LCA5L: variants seen among roughly 807,000 people sequenced by gnomAD.
LCA5L encodes the protein lebercilin-like protein.
Under a neutral mutation model 45.4 loss-of-function variants are expected in LCA5L, and 35 were observed. The observed-to-expected ratio is 0.77, with a 90% CI of 0.59 to 1.02. The LOEUF (loss-of-function observed/expected upper bound fraction) is 1.02, where lower values mean the gene tolerates loss of function less well. Among genes scored for constraint, LCA5L ranks in the 50% least tolerant of loss-of-function variants. The pLI is 0.00. For synonymous variants in LCA5L, 233 were observed against 264.7 expected (o/e 0.88, Z 1.16); for missense variants, 668 against 761.6 (o/e 0.88, Z 1.45).
At chr21:39,411,219 G>T in intron 8 of LCA5L, 1 of 250,150 alleles carries the variant, frequency 4.0e-6, no homozygotes, top group Non-Finnish European at 7.9e-6. Context: ...GTGAGGTAGG[G>T]GACTACTGAC....
chr21:39,419,546 A>AAAAG (rs1342366550), intron 7 of LCA5L, among the ~76,000 whole-genome samples: 1 of 150,490 alleles, frequency 6.6e-6, no homozygotes, highest in Non-Finnish European at 1.5e-5. Context: ...GAAAAAAGAA[A>AAAAG]AAAGAAAGAA....
intron 5 of LCA5L, among the ~76,000 whole-genome samples, chr21:39,426,902 T>C (rs2074808214): frequency 6.6e-6 from 1 of 152,230 alleles, no homozygotes; most frequent in South Asian, 2.1e-4. Context: ...TTTGAGACTC[T>C]GATGAAAGGT....
At chr21:39,422,843 A>C (rs2073995644) in intron 6 of LCA5L, 133 bp downstream of exon 6, 7 of 831,638 alleles carry the variant, frequency 8.4e-6, no homozygotes, top group African/African-American at 1.7e-5. Flanking sequence ...AGACAACATA[A>C]TTATTTAGTG....
At chr21:39,429,687 A>C (rs2075443812) in intron 3 of LCA5L, among the ~76,000 whole-genome samples, 1 of 152,174 alleles carries the variant, frequency 6.6e-6, no homozygotes, top group African/African-American at 2.4e-5. Flanking sequence ...CGGTGGGCAG[A>C]AGCAGATCCT....
At chr21:39,433,458 T>C (rs1439340802) in intron 3 of LCA5L, among the ~76,000 whole-genome samples, 1 of 150,432 alleles carries the variant, frequency 6.6e-6, no homozygotes, top group Admixed American at 6.6e-5. Context: ...GTGCTGTATC[T>C]AAGAAATTTT....
At chr21:39,436,071 T>G (rs1220055979) in intron 2 of LCA5L, 2 of 152,232 alleles carry the variant, frequency 1.3e-5, no homozygotes, top group Non-Finnish European at 2.9e-5. Flanking sequence ...TTTCAAGTTT[T>G]TGGCAGAAAA....
At chr21:39,418,001 C>T (rs745785965) in intron 7 of LCA5L, among the ~76,000 whole-genome samples, 9 of 152,104 alleles carry the variant, frequency 5.9e-5, no homozygotes, top group Non-Finnish European at 1.2e-4. Context: ...CTCCTGACCT[C>T]GTGATCCACC....
Position 39,434,846 on chromosome 21 carries a change from C to T in LCA5L, c.-92+574G>A, listed in dbSNP as rs182900016. On this transcript the variant is annotated intron_variant, in intron 3 of 10. Transcript: ENST00000288350. Reference sequence around the variant, plus strand: ...GATGTTCTTAATTAATTAATATGTTCAGTCAAAGAACATTTATTTAGTGTC... The same window carrying T: ...GATGTTCTTAATTAATTAATATGTTTAGTCAAAGAACATTTATTTAGTGTC... Among the ~76,000 whole-genome samples the T allele has an allele frequency of 4.4e-4, 67 of 152,260 alleles. No individual in the cohort carries two copies. In the East Asian group the frequency reaches 7.9e-3, roughly 18 times the overall value.
At chr21:39,406,930 A>G (rs1043694903) in intron 10 of LCA5L, among the ~76,000 whole-genome samples, 1 of 152,214 alleles carries the variant, frequency 6.6e-6, no homozygotes, top group East Asian at 1.9e-4. Context: ...ACATACTGCC[A>G]GTTGAAACAA....
At chr21:39,429,461 TCTTA>T (rs1188386447) in intron 3 of LCA5L, 1 of 152,228 alleles carries the variant, frequency 6.6e-6, no homozygotes, top group Non-Finnish European at 1.5e-5. Context: ...TAACTAGTGC[TCTTA>T]CTTTGTACAA....
At chr21:39,445,476 G>T (rs2077382909) in intron 1 of LCA5L, 1 of 152,362 alleles carries the variant, frequency 6.6e-6, no homozygotes, top group African/African-American at 2.4e-5. Flanking sequence ...CCCCTGCCCA[G>T]CGGGCCTGAG....
chr21:39,425,079 A>G lies in LCA5L; in HGVS notation c.323-1589T>C, dbSNP rs140631305. Among the ~76,000 whole-genome samples, 449 of 152,326 alleles carry G rather than the reference A, an allele frequency of 2.9e-3. 4 individuals carry two copies. The highest frequency in any genetic ancestry group is 9.7e-3 in the African/African-American group (405 of 41,572). On this transcript the variant is annotated intron_variant, in intron 5 of 10. Transcript: ENST00000288350. Reference sequence around the variant, plus strand: ...TGTGTGCACCTGTGTATGTAAATGTATATGTGGTGTGCAAGTGTATGTATT... The same window carrying G: ...TGTGTGCACCTGTGTATGTAAATGTGTATGTGGTGTGCAAGTGTATGTATT...
rs1292804439 is a variant in LCA5L, at chr21:39,409,913, T to G, written c.1282+66A>C. 2.0e-5 allele frequency: 18 copies of G among 920,882 alleles called. No homozygotes were observed. The South Asian group carries it at 2.7e-4, about 14-fold the overall frequency. The allele number at this position is 920,882 out of a possible 1,614,324, so 57.0% of individuals were successfully genotyped here. A position where few individuals can be genotyped will look rare whatever the true frequency, so the allele number is the denominator to read the frequency against. On this transcript the variant is annotated intron_variant, in intron 10 of 10. Transcript: ENST00000288350. The surrounding 1 kb of genome is among the most constrained non-coding windows in gnomAD (Gnocchi z 4.2). ...CCAGCTGTTTTATGTGTGCTTTATA[T>G]ACACATATAGTAATTCACAATTTTA...
intron 2 of LCA5L, among the ~76,000 whole-genome samples, chr21:39,436,383 A>G (rs2076288019): frequency 6.6e-6 from 1 of 152,214 alleles, no homozygotes; most frequent in South Asian, 2.1e-4. Context: ...GCATATAATG[A>G]AAAAAATTCA....
intron 10 of LCA5L, among the ~76,000 whole-genome samples, chr21:39,407,021 G>A (rs980237322): frequency 2.6e-5 from 4 of 152,146 alleles, no homozygotes; most frequent in African/African-American, 9.7e-5. Flanking sequence ...GAGCCCAAGA[G>A]TCTGAGACCA....
chr21:39,406,657 G>A (rs748517263), intron 10 of LCA5L, 45 bp from the exon 11 acceptor site: 21 of 1,432,052 alleles, frequency 1.5e-5, no homozygotes, highest in Non-Finnish European at 1.9e-5. Flanking sequence ...AAAATGAATG[G>A]ATCTCTATTT....
intron 5 of LCA5L, among the ~76,000 whole-genome samples, chr21:39,424,982 G>C (rs1233354862): frequency 6.6e-6 from 1 of 152,218 alleles, no homozygotes; most frequent in Non-Finnish European, 1.5e-5. Flanking sequence ...TGGTGAGACA[G>C]AGCCCATTGT....
intron 7 of LCA5L, among the ~76,000 whole-genome samples, chr21:39,412,035 A>G (rs2040171368): frequency 1.3e-5 from 2 of 152,208 alleles, no homozygotes; most frequent in African/African-American, 4.8e-5. Flanking sequence ...AGAGCCTTGC[A>G]GGTCAGCTTG....
chr21:39,417,609 G>A (rs1375727169), intron 7 of LCA5L, among the ~76,000 whole-genome samples: 1 of 152,156 alleles, frequency 6.6e-6, no homozygotes, highest in Non-Finnish European at 1.5e-5. Context: ...TAATTTATAA[G>A]GGACAGAGGT....
Sources: gnomAD v4.1 joint callset for allele counts (sites outside exome capture counted in the v4.1 genomes callset) on GRCh38, gnomAD v4.1.1 for gene constraint, Gnocchi (gnomAD v3.1) non-coding constraint, MANE v1.5 for transcripts, NCBI Gene and HGNC (gene_info 2026-07-23, HGNC 2026-07-21) for gene names.